The following SEMA3A variants were observed in gnomAD, a reference collection of about 807,000 sequenced individuals.
The protein encoded by SEMA3A is semaphorin 3A.
SEMA3A carries 29 observed loss-of-function variants against 97.9 expected under a neutral mutation model. The observed-to-expected ratio is 0.30, with a 90% CI of 0.22 to 0.40. SEMA3A has a LOEUF of 0.40. Ranked by LOEUF, SEMA3A falls within the 10% of genes least tolerant of loss-of-function variation. The pLI is 1.00. For synonymous variants in SEMA3A, 321 were observed against 323.7 expected (o/e 0.99, Z 0.09); for missense variants, 763 against 951.3 (o/e 0.80, Z 2.60).
In SEMA3A at chr7:84,178,155, T is replaced by C. The variant is rs117361599; in HGVS notation, c.112+16320A>G. Among the ~76,000 whole-genome samples the C allele has an allele frequency of 6.2e-3, 943 of 152,262 alleles. 7 individuals are homozygous for C. The highest frequency in any genetic ancestry group is 0.01 in the Non-Finnish European group (702 of 67,976). On this transcript the variant is annotated intron_variant, in intron 1 of 16. Coordinates refer to ENST00000265362, the MANE Select transcript of SEMA3A (RefSeq NM_006080.3). The stretch of plus-strand genomic sequence containing the variant: ...TGTGTATTTACCTAATTGCCCACAC[T>C]ATTATCTCAACTCTTGAGTTATCTT...
Position 83,961,778 on chromosome 7 carries a change from G to C in SEMA3A, c.1909C>G (p.Arg637Gly), listed in dbSNP as rs991346821. 1 of 1,613,678 alleles carries C rather than the reference G, an allele frequency of 6.2e-7. No individual in the cohort carries two copies. Among genetic ancestry groups the C allele is most frequent in the Non-Finnish European group, 8.5e-7 (1 of 1,179,844 alleles). The stretch of plus-strand genomic sequence containing the variant: ...CCTGAATCCTTCTGTTGTAGACTAC[G>C]TAGCAGAAGGCCTTGATCTGTCCTG... ...IIRTDQGLLLRSLQQKDSGNY... is the reference protein window; with the variant it reads ...IIRTDQGLLLGSLQQKDSGNY... The change falls in exon 17 of 17, where the codon CGT becomes GGT. Residue 637 changes from arginine (R) to glycine (G), a missense_variant. By Grantham distance (125) the Arg-to-Gly change is moderately radical. This residue lies in a region of SEMA3A where 678 missense variants were observed against 881.3 expected (regional missense o/e 0.77). Coordinates refer to ENST00000265362, the MANE Select transcript of SEMA3A (RefSeq NM_006080.3).
intron 3 of SEMA3A, among the ~76,000 whole-genome samples, chr7:84,279,546 G>C (rs2115736215): frequency 6.6e-6 from 1 of 152,258 alleles, no homozygotes; most frequent in South Asian, 2.1e-4. Context: ...GATTTCAAGT[G>C]ACCATCCTGG....
intron 4 of SEMA3A, among the ~76,000 whole-genome samples, chr7:84,087,103 T>C (rs1232541730): frequency 6.6e-6 from 1 of 152,140 alleles, no homozygotes; most frequent in Non-Finnish European, 1.5e-5. Context: ...TCTTTTTTGT[T>C]GTATTATTCC....
intron 6 of SEMA3A, among the ~76,000 whole-genome samples, chr7:84,042,118 G>A (rs910066928): frequency 6.6e-6 from 1 of 152,094 alleles, no homozygotes. Flanking sequence ...AAAAGCGCAT[G>A]TTGTGGAGAA....
At chr7:84,125,511 C>T (rs577119013) in intron 3 of SEMA3A, among the ~76,000 whole-genome samples, 8 of 152,198 alleles carry the variant, frequency 5.3e-5, no homozygotes, top group East Asian at 3.9e-4. Context: ...ACAAATTAGC[C>T]GGATGTGATG....
At chr7:83,968,944 G>T (rs1788821451) in intron 15 of SEMA3A, among the ~76,000 whole-genome samples, 1 of 151,262 alleles carries the variant, frequency 6.6e-6, no homozygotes, top group Non-Finnish European at 1.5e-5. Flanking sequence ...CAGAGTAGCT[G>T]GGATTACAGG....
At chr7:84,020,906 A>C in intron 6 of SEMA3A, among the ~76,000 whole-genome samples, 1 of 152,212 alleles carries the variant, frequency 6.6e-6, no homozygotes, top group East Asian at 1.9e-4. Flanking sequence ...TATACAATAC[A>C]TTTTCCAGAA....
Position 84,046,211 on chromosome 7 carries a change from G to C in SEMA3A, c.667+113C>G, listed in dbSNP as rs577192551. 13 of 1,246,346 alleles carry C rather than the reference G, an allele frequency of 1.0e-5. No individual in the cohort carries two copies. In the African/African-American group the frequency reaches 1.8e-4, roughly 17 times the overall value. The allele number at this position is 1,246,346 out of a possible 1,614,324, so 77.2% of individuals were successfully genotyped here. On this transcript the variant is annotated intron_variant, in intron 6 of 16. Coordinates refer to ENST00000265362, the MANE Select transcript of SEMA3A (RefSeq NM_006080.3). ...CACCATCATGAAGTCACCACCATTA[G>C]CTTAACTGCACAATAAATTTCAAGT...
At chr7:84,265,545 A>G (rs1177387492) in intron 3 of SEMA3A, among the ~76,000 whole-genome samples, 1 of 147,734 alleles carries the variant, frequency 6.8e-6, no homozygotes, top group East Asian at 1.9e-4. Context: ...TATATTTTAT[A>G]TGTTTATATG....
chr7:84,193,033 T>C (rs1447861219), intron 1 of SEMA3A, among the ~76,000 whole-genome samples: 1 of 151,966 alleles, frequency 6.6e-6, no homozygotes, highest in Admixed American at 6.6e-5. Flanking sequence ...AGTTACTAAA[T>C]TAATTAAATA....
chr7:84,332,518 T>C (rs909228191), intron 2 of SEMA3A, among the ~76,000 whole-genome samples: 10 of 152,108 alleles, frequency 6.6e-5, no homozygotes, highest in Non-Finnish European at 1.3e-4. Flanking sequence ...CAGGATAAAA[T>C]TGAGAAAAGA....
At chr7:84,416,509 A>G (rs983035586) in intron 1 of SEMA3A, among the ~76,000 whole-genome samples, 4 of 152,142 alleles carry the variant, frequency 2.6e-5, no homozygotes, top group African/African-American at 7.2e-5. Flanking sequence ...CAAAACATAC[A>G]ATGTCTTTTG....
intron 9 of SEMA3A, among the ~76,000 whole-genome samples, chr7:84,010,543 A>C (rs1171657431): frequency 6.6e-5 from 10 of 152,178 alleles, no homozygotes; most frequent in Admixed American, 6.6e-4. Flanking sequence ...TAGGACTTTC[A>C]GTGGAATTGC....
At chr7:84,408,919 C>T (rs889266198) in intron 1 of SEMA3A, among the ~76,000 whole-genome samples, 4 of 151,624 alleles carry the variant, frequency 2.6e-5, no homozygotes, top group Non-Finnish European at 4.4e-5. Context: ...GGGGAGGGAT[C>T]GCATTAGGAG....
intron 3 of SEMA3A, among the ~76,000 whole-genome samples, chr7:84,271,961 C>T (rs900125758): frequency 6.6e-6 from 1 of 152,032 alleles, no homozygotes; most frequent in Admixed American, 6.6e-5. Context: ...AATGCAAGCA[C>T]TGAGTCTGTT....
intron 3 of SEMA3A, among the ~76,000 whole-genome samples, chr7:84,269,146 T>C (rs1800083593): frequency 6.6e-6 from 1 of 152,154 alleles, no homozygotes; most frequent in South Asian, 2.1e-4. Context: ...TTTTTTTCTG[T>C]TTATATCTCA....
At chr7:84,167,939 G>T (rs1370575258) in intron 1 of SEMA3A, among the ~76,000 whole-genome samples, 4 of 152,140 alleles carry the variant, frequency 2.6e-5, no homozygotes, top group African/African-American at 9.7e-5. Context: ...GTGGATCATA[G>T]ATAAAACCAA....
At chr7:84,225,782 T>C (rs1798976865) in intron 3 of SEMA3A, among the ~76,000 whole-genome samples, 1 of 151,926 alleles carries the variant, frequency 6.6e-6, no homozygotes, top group African/African-American at 2.4e-5. Context: ...CATAATGGTA[T>C]AAAAGAATTC....
At chr7:84,062,560 G>T (rs569679403) in intron 4 of SEMA3A, among the ~76,000 whole-genome samples, 10 of 152,284 alleles carry the variant, frequency 6.6e-5, no homozygotes, top group African/African-American at 2.4e-4. Context: ...CAGTGGGTGC[G>T]CGCACCACGC....
Sources: gnomAD v4.1 joint callset for allele counts (sites outside exome capture counted in the v4.1 genomes callset) on GRCh38, gnomAD v4.1.1 for gene constraint, gnomAD v4.1.1 regional missense constraint, MANE v1.5 for transcripts, NCBI Gene and HGNC (gene_info 2026-07-23, HGNC 2026-07-21) for gene names.